Variants in DRC10 observed in about 807,000 individuals in gnomAD.
DRC10 encodes IQ domain-containing protein D.
chr12:113,206,754 TA>T, the DRC10 span, among the ~76,000 whole-genome samples: 912 of 141,202 alleles, frequency 6.5e-3, 3 homozygotes, highest in Non-Finnish European at 6.9e-3. Flanking sequence ...GACTCCATCT[TA>T]AAAAAAAAAA....
the DRC10 span, among the ~76,000 whole-genome samples, chr12:113,211,317 A>G: frequency 6.6e-6 from 1 of 152,162 alleles, no homozygotes; most frequent in Non-Finnish European, 1.5e-5. Context: ...GTGACACTTG[A>G]AGCCACAAAA....
chr12:113,204,057 A>G, the DRC10 span, among the ~76,000 whole-genome samples: 2 of 152,166 alleles, frequency 1.3e-5, no homozygotes, highest in Non-Finnish European at 2.9e-5. Context: ...CCTGGGCAAC[A>G]TAGCGAGACC....
At chr12:113,195,797 A>G in the DRC10 span, 1 of 1,613,816 alleles carries the variant, frequency 6.2e-7, no homozygotes, top group South Asian at 1.1e-5. Flanking sequence ...GGATCTGCGC[A>G]AACTCTCCCA....
At chr12:113,201,769 GCAGGCCCGCCGGGCAT>G in the DRC10 span, among the ~76,000 whole-genome samples, 1 of 152,248 alleles carries the variant, frequency 6.6e-6, no homozygotes, top group African/African-American at 2.4e-5. Context: ...TCAGCTGGCA[GCAGGCCCGCCGGGCAT>G]CTGCTCACTT....
At chr12:113,215,878 G>T in the DRC10 span, among the ~76,000 whole-genome samples, 9 of 152,308 alleles carry the variant, frequency 5.9e-5, no homozygotes, top group South Asian at 1.9e-3. Context: ...TCCAAATGCT[G>T]GTGAGGATGT....
chr12:113,200,521 C>A, the DRC10 span: 87 of 709,918 alleles, frequency 1.2e-4, no homozygotes, highest in Non-Finnish European at 1.4e-4. Context: ...ATGGAACAGT[C>A]CCACCCATCC....
At chr12:113,196,867 C>G in the DRC10 span, among the ~76,000 whole-genome samples, 4 of 152,392 alleles carry the variant, frequency 2.6e-5, no homozygotes, top group African/African-American at 9.6e-5. Flanking sequence ...CACACACTTG[C>G]AGCCATGGTG....
At chr12:113,216,735 C>T in the DRC10 span, among the ~76,000 whole-genome samples, 1 of 152,128 alleles carries the variant, frequency 6.6e-6, no homozygotes, top group African/African-American at 2.4e-5. Flanking sequence ...CTTTACTGGG[C>T]AGTGAAATCA....
the DRC10 span, chr12:113,207,596 G>A: frequency 4.0e-4 from 645 of 1,614,088 alleles, no homozygotes; most frequent in Non-Finnish European, 5.1e-4. Flanking sequence ...AGGAAACCAC[G>A]GAGCTCTATC....
the DRC10 span, chr12:113,200,540 AGGGG>A: frequency 5.2e-6 from 3 of 576,790 alleles, no homozygotes; most frequent in Non-Finnish European, 9.2e-6. Context: ...CCCCCCCACC[AGGGG>A]CCCCCTCGGC....
At chr12:113,197,683 A>G in the DRC10 span, 2 of 960,270 alleles carry the variant, frequency 2.1e-6, no homozygotes, top group Admixed American at 4.0e-5. Flanking sequence ...CACTCTCTGC[A>G]TCACTAGGCT....
the DRC10 span, among the ~76,000 whole-genome samples, chr12:113,212,678 G>T: frequency 6.6e-6 from 1 of 152,190 alleles, no homozygotes; most frequent in African/African-American, 2.4e-5. Flanking sequence ...ATCATTTCTT[G>T]ACAGCTCATT....
At chr12:113,205,847 C>A in the DRC10 span, among the ~76,000 whole-genome samples, 1 of 148,786 alleles carries the variant, frequency 6.7e-6, no homozygotes, top group Non-Finnish European at 1.5e-5. Context: ...CGAGATTGCG[C>A]CACTGCAGTC....
the DRC10 span, among the ~76,000 whole-genome samples, chr12:113,196,799 G>A: frequency 6.6e-6 from 1 of 152,228 alleles, no homozygotes; most frequent in Non-Finnish European, 1.5e-5. Flanking sequence ...GGCGTGTCTC[G>A]ATTTGAAGGT....
At chr12:113,216,559 G>A in the DRC10 span, among the ~76,000 whole-genome samples, 2 of 152,174 alleles carry the variant, frequency 1.3e-5, no homozygotes, top group Non-Finnish European at 2.9e-5. Flanking sequence ...ATGTGTCAAT[G>A]TAGGTTCATC....
At chr12:113,198,820 CCAGTGGCTCAT>C in the DRC10 span, among the ~76,000 whole-genome samples, 1 of 152,162 alleles carries the variant, frequency 6.6e-6, no homozygotes, top group Non-Finnish European at 1.5e-5. Flanking sequence ...GCAGGCTGGG[CCAGTGGCTCAT>C]CCCAACCATT....
the DRC10 span, among the ~76,000 whole-genome samples, chr12:113,205,902 C>CAAA: frequency 3.1e-4 from 15 of 47,916 alleles, no homozygotes; most frequent in South Asian, 7.1e-4. Flanking sequence ...GACTCCGTCT[C>CAAA]AAAAAAAAAA....
chr12:113,195,550 G>T, the DRC10 span: 3 of 1,560,044 alleles, frequency 1.9e-6, no homozygotes, highest in African/African-American at 1.4e-5. Context: ...GAAGATAAGG[G>T]TCAGGAGCGG....
chr12:113,197,072 G>A, the DRC10 span, among the ~76,000 whole-genome samples: 2 of 152,124 alleles, frequency 1.3e-5, no homozygotes, highest in Non-Finnish European at 2.9e-5. Context: ...GTGGGAAGGA[G>A]CCCCACCTTG....
Sources: allele counts gnomAD v4.1 joint callset (sites outside exome capture counted in the v4.1 genomes callset), GRCh38; gene constraint gnomAD v4.1.1; transcripts MANE v1.5; gene names NCBI Gene and HGNC (gene_info 2026-07-23, HGNC 2026-07-21).